The following ANPEP variants were observed in gnomAD, a reference collection of about 807,000 sequenced individuals.
ANPEP encodes aminopeptidase N.
ANPEP carries 70 observed loss-of-function variants against 114.6 expected under a neutral mutation model. That is an observed-to-expected ratio of 0.61 (90% CI 0.50 to 0.75). ANPEP has a LOEUF of 0.75. ANPEP is among the 30% of genes least tolerant of loss of function. ANPEP has a pLI of 0.00. For missense variants in ANPEP, 1,184 were observed against 1,259.5 expected, an observed-to-expected ratio of 0.94 and a Z score of 0.91; for synonymous variants, 548 against 522.3, an observed-to-expected ratio of 1.05 and a Z score of -0.67.
chr15:89,799,847 G>A lies in ANPEP; in HGVS notation c.1820-288C>T, dbSNP rs1894551457. Among the ~76,000 whole-genome samples, 1 of 152,170 alleles carries A rather than the reference G, an allele frequency of 6.6e-6. No homozygotes were observed. The stretch of plus-strand genomic sequence containing the variant: ...AGGCCGCTCACACTCAGCAATCCAG[G>A]CTGTTCCTCCTCCTTGCCCTCCTCC... On this transcript the variant is annotated intron_variant, in intron 12 of 20. Transcript: ENST00000300060. The surrounding 1 kb of genome is among the most constrained non-coding windows in gnomAD (Gnocchi z 4.2).
chr15:89,797,544 G>A, intron 15 of ANPEP, 31 bp downstream of exon 15: 1 of 1,593,688 alleles, frequency 6.3e-7, no homozygotes, highest in Non-Finnish European at 8.6e-7. Flanking sequence ...GGGGCGAACT[G>A]GTTCTTGAAC....
intron 16 of ANPEP, 123 bp downstream of exon 16, chr15:89,792,912 G>T (rs993057796): frequency 3.5e-6 from 3 of 864,424 alleles, no homozygotes; most frequent in Non-Finnish European, 5.7e-6. Context: ...CTGCTCCTGG[G>T]TGGGGGTCTC....
At position 89,791,044 on chromosome 15, in the gene ANPEP, T is replaced by C. The variant is rs772625359; in HGVS notation, c.2578A>G (p.Thr860Ala). 2.5e-6 allele frequency: 4 copies of C among 1,614,198 alleles called. No homozygotes were observed. In the South Asian group the frequency reaches 4.4e-5, roughly 18 times the overall value. The change falls in exon 19 of 21, where the codon ACC becomes GCC. Residue 860 changes from threonine (T) to alanine (A), a missense_variant. Thr to Ala is a moderately conservative substitution (Grantham distance 58). Transcript: ENST00000300060. ...NPDLIRKQDA[T>A]STIISITNNV... ...TTGGTAATGCTGATGATGGTAGAGG[T>C]GGCGTCCTGCTTCCGGATTAAGTCC... is the stretch of plus-strand genomic sequence containing the variant.
In ANPEP at chr15:89,806,596, G is replaced by T. The variant is rs1267398081; in HGVS notation, c.-13C>A. On this transcript the variant is annotated 5_prime_UTR_variant, in exon 2 of 21. Coordinates refer to ENST00000300060, the MANE Select transcript of ANPEP (RefSeq NM_001150.3). This position sits in a 1 kb window ranked among gnomAD's most constrained non-coding sequence, Gnocchi z 5.7. Reference sequence around the variant, plus strand: ...AGCCCTTGGCCATGGTGATGGTGGGGAGGCGGCTCAGGGAGCCTCAGGCCA... The same window carrying T: ...AGCCCTTGGCCATGGTGATGGTGGGTAGGCGGCTCAGGGAGCCTCAGGCCA... 7 of 1,573,644 alleles carry T rather than the reference G, an allele frequency of 4.4e-6. No homozygotes were observed. The highest frequency in any genetic ancestry group is 6.0e-6 in the Non-Finnish European group (7 of 1,157,596).
Position 89,806,677 on chromosome 15 carries a change from C to A in ANPEP, c.-94G>T. The A allele has an allele frequency of 1.2e-5, 17 of 1,449,576 alleles. No homozygotes were observed. Among genetic ancestry groups the A allele is most frequent in the South Asian group, 1.5e-5 (1 of 67,790 alleles). 89.8% of individuals were successfully genotyped at this position (1,449,576 alleles called of 1,614,324 possible). On this transcript the variant is annotated 5_prime_UTR_variant, in exon 2 of 21. Coordinates refer to ENST00000300060, the MANE Select transcript of ANPEP (RefSeq NM_001150.3). This position sits in a 1 kb window ranked among gnomAD's most constrained non-coding sequence, Gnocchi z 5.7. ...TTATATCCCCAAAGGGGAGGAGCCC[C>A]ACAACAGGCAGACTGGGCAAAAATT... is the stretch of plus-strand genomic sequence containing the variant.
chr15:89,790,918 G>T (rs774951046), intron 19 of ANPEP, 35 bp downstream of exon 19: 2 of 1,606,794 alleles, frequency 1.2e-6, no homozygotes, highest in Admixed American at 3.4e-5. Context: ...CAGCCTCGGC[G>T]CTCGCTGTCC....
intron 15 of ANPEP, among the ~76,000 whole-genome samples, chr15:89,795,139 C>G (rs1358937558): frequency 6.6e-6 from 1 of 150,420 alleles, no homozygotes; most frequent in African/African-American, 2.4e-5. Flanking sequence ...AATAAATATC[C>G]TCTGAGAGTG....
At position 89,803,659 on chromosome 15, in the gene ANPEP, G is replaced by T; in HGVS notation, c.1425C>A (p.Ile475=). ...GAGCGGGCTGCACCTTGCTGTAGGA[G>T]ATGGCGTCAAACAGCTCACTGATCT... The part of the protein sequence containing the change: ...PAQISELFDA[I]SYSKGASVLR... The change falls in exon 8 of 21, where the codon ATC becomes ATA. Residue 475 remains isoleucine, a synonymous_variant. Coordinates refer to ENST00000300060, the MANE Select transcript of ANPEP (RefSeq NM_001150.3). The surrounding 1 kb of genome is among the most constrained non-coding windows in gnomAD (Gnocchi z 4.2). 6.2e-7 allele frequency: 1 copy of T among 1,611,784 alleles called. No individual in the cohort carries two copies. Among genetic ancestry groups the T allele is most frequent in the Non-Finnish European group, 8.5e-7 (1 of 1,178,792 alleles).
intron 1 of ANPEP, among the ~76,000 whole-genome samples, chr15:89,812,660 T>C (rs1388726924): frequency 6.6e-6 from 1 of 151,904 alleles, no homozygotes; most frequent in African/African-American, 2.4e-5. Context: ...GTGATTATCC[T>C]GGTGAGACAC....
At position 89,803,916 on chromosome 15, in the gene ANPEP, A is replaced by T. The variant is rs772414367; in HGVS notation, c.1266T>A (p.Ala422=). Reference sequence around the variant, plus strand: ...AGTTCCAGGTGGGCTCCGCATAGTCAGCACCCAGGTACTCCACGTAGGAGG... The same window carrying T: ...AGTTCCAGGTGGGCTCCGCATAGTCTGCACCCAGGTACTCCACGTAGGAGG... ...GFASYVEYLG[A]DYAEPTWNLK... is the part of the protein sequence containing the mutation. Residue 422 remains alanine, a synonymous_variant, in exon 7 of 21, where the codon GCT becomes GCA. Coordinates refer to ENST00000300060, the MANE Select transcript of ANPEP (RefSeq NM_001150.3). This position sits in a 1 kb window ranked among gnomAD's most constrained non-coding sequence, Gnocchi z 4.2. 6.2e-7 allele frequency: 1 copy of T among 1,614,038 alleles called. No individual in the cohort carries two copies. The highest frequency in any genetic ancestry group is 1.3e-5 in the African/African-American group (1 of 74,922).
chr15:89,813,069 C>A (rs1266056889), intron 1 of ANPEP, among the ~76,000 whole-genome samples: 2 of 152,120 alleles, frequency 1.3e-5, no homozygotes, highest in Non-Finnish European at 2.9e-5. Context: ...GAGTGACAGG[C>A]ACCCGGGGTG....
At chr15:89,789,489 A>G (rs997331542) in intron 20 of ANPEP, among the ~76,000 whole-genome samples, 1 of 151,862 alleles carries the variant, frequency 6.6e-6, no homozygotes, top group Admixed American at 6.6e-5. Flanking sequence ...GAATCCCTTT[A>G]TTGCTGGGCG....
In ANPEP at chr15:89,814,792, A is replaced by ATCTGGAC. The variant is rs1470906984; in HGVS notation, c.-245_-244insGTCCAGA. Reference sequence around the variant, plus strand: ...CTTGCCTGGGCCGCCGGGCGCTGGAACCTGGACCCTGGACCCTGGCGGGTT... The same window carrying ATCTGGAC: ...CTTGCCTGGGCCGCCGGGCGCTGGAATCTGGACCCTGGACCCTGGACCCTGGCGGGTT... On this transcript the variant is annotated 5_prime_UTR_variant, in exon 1 of 21. Coordinates refer to ENST00000300060, the MANE Select transcript of ANPEP (RefSeq NM_001150.3). 7 of 151,940 alleles carry ATCTGGAC rather than the reference A, an allele frequency of 4.6e-5. No homozygotes were observed. Among genetic ancestry groups the ATCTGGAC allele is most frequent in the Admixed American group, 4.6e-4 (7 of 15,238 alleles). The allele number at this position is 151,940 out of a possible 1,614,324, so 9.4% of individuals were successfully genotyped here.
chr15:89,797,359 T>C (rs1567157328), intron 15 of ANPEP: 5 of 584,170 alleles, frequency 8.6e-6, no homozygotes, highest in Non-Finnish European at 1.4e-5. Flanking sequence ...CAGTGCCTGC[T>C]CACTCACCTC....
chr15:89,800,091 C>T (rs1167944718), intron 12 of ANPEP, among the ~76,000 whole-genome samples: 2 of 152,220 alleles, frequency 1.3e-5, no homozygotes, highest in Non-Finnish European at 2.9e-5. Context: ...GCCCCATCCA[C>T]TGTCTCCTGC....
intron 14 of ANPEP, among the ~76,000 whole-genome samples, chr15:89,798,684 G>A (rs2141800780): frequency 6.6e-6 from 1 of 150,646 alleles, no homozygotes; most frequent in African/African-American, 2.4e-5. Flanking sequence ...GCTCATGCCT[G>A]TAATCCCAGC....
At chr15:89,785,799 C>G (rs1228765225) in intron 20 of ANPEP, among the ~76,000 whole-genome samples, 1 of 152,020 alleles carries the variant, frequency 6.6e-6, no homozygotes, top group Non-Finnish European at 1.5e-5. Flanking sequence ...AATGAAGCAA[C>G]CAGCCAAATC....
chr15:89,814,173 G>T (rs1894866168), intron 1 of ANPEP, among the ~76,000 whole-genome samples: 1 of 152,234 alleles, frequency 6.6e-6, no homozygotes, highest in African/African-American at 2.4e-5. Context: ...CCATGCCCCG[G>T]CATCTTGGCC....
intron 4 of ANPEP, 151 bp from the exon 5 acceptor site, chr15:89,804,768 G>A (rs1894675104): frequency 8.7e-7 from 1 of 1,148,054 alleles, no homozygotes; most frequent in African/African-American, 1.6e-5. Context: ...GTCAGCAGAG[G>A]GGAACGCTAC....
Sources: allele counts gnomAD v4.1 joint callset (sites outside exome capture counted in the v4.1 genomes callset), GRCh38; gene constraint gnomAD v4.1.1; non-coding constraint Gnocchi (gnomAD v3.1); transcripts MANE v1.5; gene names NCBI Gene and HGNC (gene_info 2026-07-23, HGNC 2026-07-21).